The following LETM2 variants were observed in gnomAD, a reference collection of about 807,000 sequenced individuals.
LETM2 encodes leucine zipper and EF-hand containing transmembrane protein 2, also known as LETM1 domain-containing protein LETM2, mitochondrial.
A neutral mutation model predicts 59.6 loss-of-function variants in LETM2; 58 were observed. The observed-to-expected ratio is 0.97, with a 90% confidence interval of 0.79 to 1.21. The LOEUF (loss-of-function observed/expected upper bound fraction) is 1.21, where lower values mean the gene tolerates loss of function less well. Ranked by LOEUF, LETM2 falls within the 50% of genes most tolerant of loss-of-function variation. LETM2 has a pLI of 0.00. For synonymous variants in LETM2, 199 were observed against 214.1 expected (o/e 0.93, Z 0.62); for missense variants, 572 against 575.7 (o/e 0.99, Z 0.07).
At chr8:38,401,409 T>C (rs1813216071) in intron 6 of LETM2, among the ~76,000 whole-genome samples, 2 of 152,212 alleles carry the variant, frequency 1.3e-5, no homozygotes, top group African/African-American at 4.8e-5. Context: ...AGTGTTGGGA[T>C]GACAGGTGTG....
chr8:38,408,280 T>C lies in LETM2; in HGVS notation c.*6T>C. Reference sequence around the variant, plus strand: ...CTAGTTCAAAAGGAGCATAAAGGACTACTTGAGGATGGAGCTCACTCTCTT... The same window carrying C: ...CTAGTTCAAAAGGAGCATAAAGGACCACTTGAGGATGGAGCTCACTCTCTT... On this transcript the variant is annotated 3_prime_UTR_variant, in exon 11 of 11. Transcript: ENST00000379957. 6.7e-7 allele frequency: 1 copy of C among 1,486,170 alleles called. No homozygotes were observed. The highest frequency in any genetic ancestry group is 9.3e-7 in the Non-Finnish European group (1 of 1,071,250). 92.1% of individuals were successfully genotyped at this position (1,486,170 alleles called of 1,614,324 possible). A position where few individuals can be genotyped will look rare whatever the true frequency, so the allele number is the denominator to read the frequency against.
At chr8:38,400,571 A>G (rs1813114077) in intron 5 of LETM2, 162 bp downstream of exon 5, 1 of 723,754 alleles carries the variant, frequency 1.4e-6, no homozygotes, top group East Asian at 2.8e-5. Context: ...AAACATTGAT[A>G]GTAGTTTGCA....
chr8:38,401,126 G>A (rs548870131), intron 6 of LETM2, 73 bp downstream of exon 6: 4 of 1,244,312 alleles, frequency 3.2e-6, no homozygotes, highest in Admixed American at 1.9e-5. Context: ...GTGGGATGAA[G>A]TGTGCAGTAT....
upstream of LETM2, among the ~76,000 whole-genome samples, chr8:38,384,686 G>C (rs1563377982): frequency 6.6e-6 from 1 of 152,232 alleles, no homozygotes; most frequent in Admixed American, 6.5e-5. Flanking sequence ...ACTTTGAACA[G>C]ATATCTCAAT....
chr8:38,394,845 CAAAAAAAAAAAA>C (rs34403974), intron 4 of LETM2, among the ~76,000 whole-genome samples: 2 of 84,510 alleles, frequency 2.4e-5, no homozygotes, highest in Non-Finnish European at 4.6e-5. Context: ...GACCCTGTCT[CAAAAAAAAAAAA>C]AAAAAAAAAA....
intron 4 of LETM2, chr8:38,396,914 T>A: frequency 4.0e-5 from 11 of 277,416 alleles, no homozygotes; most frequent in Admixed American, 9.2e-5. Flanking sequence ...AGATCCTGTT[T>A]AAAAAAAAAA....
chr8:38,408,565 G>A lies in LETM2; in HGVS notation c.*291G>A. On this transcript the variant is annotated 3_prime_UTR_variant, in exon 11 of 11. Transcript: ENST00000379957. ...CATCATGTTGTTTTTTTAGTTTCAT[G>A]TGTACGTCCCTTCAGAGAGGAAATT... 3.6e-6 allele frequency: 1 copy of A among 278,214 alleles called. No homozygotes were observed. The highest frequency in any genetic ancestry group is 6.9e-6 in the Non-Finnish European group (1 of 144,546). 17.2% of individuals were successfully genotyped at this position (278,214 alleles called of 1,614,324 possible). A position where few individuals can be genotyped will look rare whatever the true frequency, so the allele number is the denominator to read the frequency against.
At chr8:38,400,180 C>A in intron 4 of LETM2, 92 bp from the exon 5 acceptor site, 1 of 954,260 alleles carries the variant, frequency 1.0e-6, no homozygotes, top group Non-Finnish European at 1.6e-6. Flanking sequence ...TAGGGATGAG[C>A]AATAACAAGG....
chr8:38,391,185 A>AC (rs1812215802), intron 2 of LETM2, among the ~76,000 whole-genome samples: 1 of 143,558 alleles, frequency 7.0e-6, no homozygotes, highest in Non-Finnish European at 1.5e-5. Flanking sequence ...CTGTCTCAAA[A>AC]AAAAAAAAAA....
chr8:38,407,464 G>T lies in LETM2; in HGVS notation c.1413+1G>T, dbSNP rs1217417898. 3.2e-6 allele frequency: 5 copies of T among 1,561,550 alleles called. No homozygotes were observed. Among genetic ancestry groups the T allele is most frequent in the Non-Finnish European group, 4.4e-6 (5 of 1,132,864 alleles). On this transcript the variant is annotated splice_donor_variant, in intron 10 of 10. Coordinates refer to ENST00000379957, the MANE Select transcript of LETM2 (RefSeq NM_001286819.2). LOFTEE classifies it high-confidence loss of function. The stretch of plus-strand genomic sequence containing the variant: ...ACCCATCACTTCTTCTGAAGAACCT[G>T]TAAGTATCTTTAATAAATGAAAAAG...
rs1364117377 is a variant in LETM2, at chr8:38,409,238, T to C, written c.*964T>C. On this transcript the variant is annotated 3_prime_UTR_variant, in exon 11 of 11. Transcript: ENST00000379957. Reference sequence around the variant, plus strand: ...GGCCAAAGGTATTTCAGCCTGTAGGTGATAAAATTAGATTTCTTTACTTGC... The same window carrying C: ...GGCCAAAGGTATTTCAGCCTGTAGGCGATAAAATTAGATTTCTTTACTTGC... The C allele has an allele frequency of 1.3e-5, 2 of 152,216 alleles. No homozygotes were observed. Among genetic ancestry groups the C allele is most frequent in the Admixed American group, 6.5e-5 (1 of 15,282 alleles). The allele number at this position is 152,216 out of a possible 1,614,324, so 9.4% of individuals were successfully genotyped here. A position where few individuals can be genotyped will look rare whatever the true frequency, so the allele number is the denominator to read the frequency against.
In LETM2 at chr8:38,391,200, A is replaced by C. The variant is rs1360964274; in HGVS notation, c.48-1342A>C. ...CTGTCTCAAAAAAAAAAAAAAAAAC[A>C]AAAAAAAAAACCAAAAAACTGAAAG... On this transcript the variant is annotated intron_variant, in intron 2 of 10. Coordinates refer to ENST00000379957, the MANE Select transcript of LETM2 (RefSeq NM_001286819.2). 7.2e-5 allele frequency among the ~76,000 whole-genome samples: 8 copies of C among 111,586 alleles called. No individual in the cohort carries two copies. In the South Asian group the frequency reaches 7.5e-4, roughly 10 times the overall value. 73.2% of individuals were successfully genotyped at this position (111,586 alleles called of 152,430 possible).
Position 38,394,083 on chromosome 8 carries a change from C to A in LETM2, c.502-15C>A. 1 of 1,432,796 alleles carries A rather than the reference C, an allele frequency of 7.0e-7. No homozygotes were observed. Among genetic ancestry groups the A allele is most frequent in the Non-Finnish European group, 9.1e-7 (1 of 1,097,786 alleles). The allele number at this position is 1,432,796 out of a possible 1,614,324, so 88.8% of individuals were successfully genotyped here. ...CCTAAAATAATGAATATTGCATATG[C>A]ATTTAATTCTATAGCTGTTGAGAAC... is the stretch of plus-strand genomic sequence containing the variant. On this transcript the variant is annotated splice_polypyrimidine_tract_variant and intron_variant, in intron 3 of 10. Transcript: ENST00000379957.
At chr8:38,395,065 T>A (rs1387762056) in intron 4 of LETM2, among the ~76,000 whole-genome samples, 1 of 152,208 alleles carries the variant, frequency 6.6e-6, no homozygotes, top group Admixed American at 6.5e-5. Context: ...CAATTCTTTT[T>A]ATCACTGAGT....
At chr8:38,396,151 TA>T (rs1260248826) in intron 4 of LETM2, among the ~76,000 whole-genome samples, 2 of 151,776 alleles carry the variant, frequency 1.3e-5, no homozygotes, top group African/African-American at 2.4e-5. Flanking sequence ...TGATCCATTT[TA>T]TTTTTTTATT....
At chr8:38,403,769 T>A (rs762194964) in intron 7 of LETM2, among the ~76,000 whole-genome samples, 15 of 152,240 alleles carry the variant, frequency 9.9e-5, no homozygotes, top group South Asian at 2.1e-4. Context: ...CTTAAAATCA[T>A]GTATTTCTTG....
chr8:38,395,178 T>C (rs1006847944), intron 4 of LETM2, among the ~76,000 whole-genome samples: 2 of 152,250 alleles, frequency 1.3e-5, no homozygotes, highest in African/African-American at 4.8e-5. Context: ...AAAACTGCTA[T>C]AGACACTTAT....
intron 2 of LETM2, among the ~76,000 whole-genome samples, chr8:38,389,276 G>A (rs1179153257): frequency 6.6e-6 from 1 of 151,958 alleles, no homozygotes; most frequent in Non-Finnish European, 1.5e-5. Flanking sequence ...GAGTGCAATG[G>A]CACAATCTTG....
At chr8:38,395,065 T>C (rs1387762056) in intron 4 of LETM2, among the ~76,000 whole-genome samples, 26 of 152,208 alleles carry the variant, frequency 1.7e-4, no homozygotes, top group Admixed American at 1.7e-3. Context: ...CAATTCTTTT[T>C]ATCACTGAGT....
Sources: allele counts gnomAD v4.1 joint callset (sites outside exome capture counted in the v4.1 genomes callset), GRCh38; gene constraint gnomAD v4.1.1; transcripts MANE v1.5; gene names NCBI Gene and HGNC (gene_info 2026-07-23, HGNC 2026-07-21).